The following NCS1 variants were observed in gnomAD, a reference collection of about 807,000 sequenced individuals.
The protein encoded by NCS1 is frequenin homolog.
A neutral mutation model predicts 28.4 loss-of-function variants in NCS1; 6 were observed. That is an observed-to-expected ratio of 0.21 (90% confidence interval 0.12 to 0.42). The LOEUF is 0.42. NCS1 is among the 10% of genes least tolerant of loss of function. The pLI is 1.00. For missense variants in NCS1, 131 were observed against 241.4 expected, an observed-to-expected ratio of 0.54 and a Z score of 3.03; for synonymous variants, 86 against 99.3, an observed-to-expected ratio of 0.87 and a Z score of 0.79.
rs115404777 is a variant in NCS1, at chr9:130,219,687, C to T, written c.229-38C>T. On this transcript the variant is annotated intron_variant, in intron 3 of 7. Transcript: ENST00000372398. The surrounding 1 kb of genome is among the most constrained non-coding windows in gnomAD (Gnocchi z 5.7). The stretch of plus-strand genomic sequence containing the variant: ...GTTCAGCCTGACCCGGTGGCCTGGC[C>T]GGCACTGACTGAGGCAATCCCCTCT... 3.7e-3 allele frequency: 6,010 copies of T among 1,604,996 alleles called. 131 individuals carry two copies. Among genetic ancestry groups the T allele is most frequent in the South Asian group, 0.035 (3,169 of 90,892 alleles).
chr9:130,225,122 A>G (rs1010852587), intron 6 of NCS1, among the ~76,000 whole-genome samples: 2 of 152,068 alleles, frequency 1.3e-5, no homozygotes, highest in Admixed American at 6.5e-5. Context: ...AGCCTGAGAA[A>G]CCAAGTCTGC....
intron 4 of NCS1, among the ~76,000 whole-genome samples, chr9:130,222,102 ATATATATATACGTATATATATATGTG>A (rs1833334933): frequency 1.3e-5 from 1 of 75,458 alleles, no homozygotes; most frequent in Non-Finnish European, 2.6e-5. Flanking sequence ...GTGTGTGTGT[ATATATATATACGTATATATATATGTG>A]TATATATATA....
intron 6 of NCS1, among the ~76,000 whole-genome samples, chr9:130,224,966 T>C (rs574185941): frequency 3.3e-5 from 5 of 152,038 alleles, no homozygotes; most frequent in South Asian, 4.2e-4. Flanking sequence ...CCAAGGCGAG[T>C]GGATCACTTG....
chr9:130,175,791 C>T lies in NCS1; in HGVS notation c.64+3064C>T, dbSNP rs1204807449. On this transcript the variant is annotated intron_variant, in intron 1 of 7. Coordinates refer to ENST00000372398, the MANE Select transcript of NCS1 (RefSeq NM_014286.4). This position sits in a 1 kb window ranked among gnomAD's most constrained non-coding sequence, Gnocchi z 4.9. ...CCTAACCCAGTCCTCAGCCTTCCAC[C>T]AGCAACAGGTTAGGGAGAGATGGAC... Among the ~76,000 whole-genome samples the T allele has an allele frequency of 6.6e-6, 1 of 152,206 alleles. No homozygotes were observed. Among genetic ancestry groups the T allele is most frequent in the East Asian group, 1.9e-4 (1 of 5,202 alleles).
At chr9:130,220,465 G>A (rs1284132116) in intron 4 of NCS1, among the ~76,000 whole-genome samples, 7 of 152,128 alleles carry the variant, frequency 4.6e-5, no homozygotes, top group Admixed American at 3.9e-4. Flanking sequence ...TGCCTGGTAG[G>A]CGCAGAGCTG....
intron 7 of NCS1, among the ~76,000 whole-genome samples, chr9:130,230,576 G>A (rs1455628012): frequency 6.6e-6 from 1 of 152,056 alleles, no homozygotes; most frequent in African/African-American, 2.4e-5. Context: ...AGGTGTGGTG[G>A]CACATGCCTG....
intron 1 of NCS1, among the ~76,000 whole-genome samples, chr9:130,187,410 G>A (rs1554905758): frequency 6.6e-6 from 1 of 152,136 alleles, no homozygotes; most frequent in African/African-American, 2.4e-5. Flanking sequence ...CTCTTAAAGG[G>A]CCAGAGCCGG....
intron 2 of NCS1, among the ~76,000 whole-genome samples, chr9:130,208,811 C>T (rs1833068311): frequency 6.6e-6 from 1 of 152,158 alleles, no homozygotes; most frequent in African/African-American, 2.4e-5. Context: ...GAGGAGCGGC[C>T]CCATTTTACA....
chr9:130,200,139 A>C (rs1396232817), intron 1 of NCS1, among the ~76,000 whole-genome samples: 1 of 152,064 alleles, frequency 6.6e-6, no homozygotes, highest in Non-Finnish European at 1.5e-5. Flanking sequence ...TTTATGGATG[A>C]GGCGCCCAAG....
chr9:130,202,802 G>C (rs950455662), intron 2 of NCS1, among the ~76,000 whole-genome samples: 74 of 151,634 alleles, frequency 4.9e-4, no homozygotes, highest in African/African-American at 1.8e-3. Context: ...CTGGTCTCGA[G>C]CTCCTGACCT....
chr9:130,190,468 T>G (rs549348524), intron 1 of NCS1, among the ~76,000 whole-genome samples: 1 of 152,242 alleles, frequency 6.6e-6, no homozygotes, highest in East Asian at 1.9e-4. Flanking sequence ...CCAAGGGAGG[T>G]TAACCGACTT....
At chr9:130,220,291 C>T (rs1833258496) in intron 4 of NCS1, among the ~76,000 whole-genome samples, 1 of 152,164 alleles carries the variant, frequency 6.6e-6, no homozygotes, top group East Asian at 1.9e-4. Context: ...GACCAAATAA[C>T]GACTGAATGC....
intron 1 of NCS1, chr9:130,200,669 G>A: frequency 6.4e-7 from 1 of 1,551,306 alleles, no homozygotes; most frequent in Non-Finnish European, 8.7e-7. Context: ...ACCCTTGAGT[G>A]CCACAGGGCG....
At position 130,180,197 on chromosome 9, in the gene NCS1, C is replaced by T. The variant is rs1346736160; in HGVS notation, c.64+7470C>T. Among the ~76,000 whole-genome samples, 1 of 152,120 alleles carries T rather than the reference C, an allele frequency of 6.6e-6. No homozygotes were observed. Among genetic ancestry groups the T allele is most frequent in the Non-Finnish European group, 1.5e-5 (1 of 68,022 alleles). On this transcript the variant is annotated intron_variant, in intron 1 of 7. Transcript: ENST00000372398. The surrounding 1 kb of genome is among the most constrained non-coding windows in gnomAD (Gnocchi z 4.5). ...TTAGAATGTGCACCACCACACCTGG[C>T]TAATTTTTGTATTTTTAGTGGAGAT...
At chr9:130,193,581 G>A (rs1832843481) in intron 1 of NCS1, among the ~76,000 whole-genome samples, 2 of 152,120 alleles carry the variant, frequency 1.3e-5, no homozygotes, top group African/African-American at 2.4e-5. Context: ...TTTGGGCCAC[G>A]TGGAGCCTGA....
At position 130,235,924 on chromosome 9, in the gene NCS1, A is replaced by C. The variant is rs1833584081; in HGVS notation, c.*2952A>C. 1 of 152,404 alleles carries C rather than the reference A, an allele frequency of 6.6e-6. No homozygotes were observed. Among genetic ancestry groups the C allele is most frequent in the Non-Finnish European group, 1.5e-5 (1 of 68,160 alleles). The allele number at this position is 152,404 out of a possible 1,614,324, so 9.4% of individuals were successfully genotyped here. On this transcript the variant is annotated 3_prime_UTR_variant, in exon 8 of 8. Coordinates refer to ENST00000372398, the MANE Select transcript of NCS1 (RefSeq NM_014286.4). ...GGGCAGGCACCAGCCCCAGGCGGCCAGTCGGCCACGGCCTGTCCTCTTCCT... is the reference window on the plus strand; with the variant it reads ...GGGCAGGCACCAGCCCCAGGCGGCCCGTCGGCCACGGCCTGTCCTCTTCCT...
chr9:130,179,376 A>G (rs560279368), intron 1 of NCS1, among the ~76,000 whole-genome samples: 5 of 152,340 alleles, frequency 3.3e-5, no homozygotes, highest in African/African-American at 9.6e-5. Context: ...TCATATGGAC[A>G]GAACATATTT....
At chr9:130,218,817 C>T (rs1306035455) in intron 3 of NCS1, among the ~76,000 whole-genome samples, 1 of 152,158 alleles carries the variant, frequency 6.6e-6, no homozygotes, top group Admixed American at 6.5e-5. Flanking sequence ...TCTTGAACTC[C>T]TGACCTCAGA....
intron 2 of NCS1, among the ~76,000 whole-genome samples, chr9:130,206,485 T>C (rs1833025991): frequency 6.8e-6 from 1 of 146,948 alleles, no homozygotes; most frequent in Non-Finnish European, 1.5e-5. Context: ...CTCAACTCAC[T>C]GCAATCTCTA....
Sources: allele counts gnomAD v4.1 joint callset (sites outside exome capture counted in the v4.1 genomes callset), GRCh38; gene constraint gnomAD v4.1.1; non-coding constraint Gnocchi (gnomAD v3.1); transcripts MANE v1.5; gene names NCBI Gene and HGNC (gene_info 2026-07-23, HGNC 2026-07-21).